The following MYO1D variants were observed in gnomAD, a reference collection of about 807,000 sequenced individuals.
MYO1D encodes the protein myosin ID.
Under a neutral mutation model 122.0 loss-of-function variants are expected in MYO1D, and 83 were observed. That is an observed-to-expected ratio of 0.68 (90% CI 0.57 to 0.82). The LOEUF (loss-of-function observed/expected upper bound fraction) is 0.82, where lower values mean the gene tolerates loss of function less well. Among genes scored for constraint, MYO1D ranks in the 40% least tolerant of loss-of-function variants. The pLI is 0.00. For synonymous variants in MYO1D, 464 were observed against 446.9 expected (o/e 1.04, Z -0.48); for missense variants, 1,157 against 1,269.5 (o/e 0.91, Z 1.35).
chr17:32,515,114 G>A (rs181329044), intron 21 of MYO1D, among the ~76,000 whole-genome samples: 6 of 152,298 alleles, frequency 3.9e-5, no homozygotes, highest in Admixed American at 3.9e-4. Context: ...GTAAGCGCTT[G>A]AATGGAGGAG....
chr17:32,775,201 T>C (rs1405187719), intron 4 of MYO1D, among the ~76,000 whole-genome samples: 1 of 152,080 alleles, frequency 6.6e-6, no homozygotes, highest in Non-Finnish European at 1.5e-5. Flanking sequence ...CTCAGGAGGC[T>C]GAGGTGGGAG....
At chr17:32,532,772 C>A (rs1031244919) in intron 21 of MYO1D, among the ~76,000 whole-genome samples, 1 of 150,752 alleles carries the variant, frequency 6.6e-6, no homozygotes, top group African/African-American at 2.4e-5. Context: ...CTGATATGCT[C>A]ATTTTACCAC....
chr17:32,579,509 C>T (rs897424493), intron 21 of MYO1D, among the ~76,000 whole-genome samples: 6 of 152,178 alleles, frequency 3.9e-5, no homozygotes, highest in Non-Finnish European at 7.3e-5. Flanking sequence ...TTTATTAAGG[C>T]ATCACTGACA....
chr17:32,760,598 G>C lies in MYO1D; in HGVS notation c.1065C>G (p.Ile355Met), dbSNP rs147504723. The C allele has an allele frequency of 1.2e-6, 2 of 1,609,808 alleles. No homozygotes were observed. The highest frequency in any genetic ancestry group is 2.7e-5 in the African/African-American group (2 of 74,774). Reference protein sequence around the residue: ...KAIYERLFCWIVTRINDIIEV... With the variant: ...KAIYERLFCWMVTRINDIIEV... The stretch of plus-strand genomic sequence containing the variant: ...CAATAATATCATTGATGCGAGTAAC[G>C]ATCCAACAAAAAAGGCGCTCATATA... Residue 355 changes from isoleucine (I) to methionine (M), a missense_variant, in exon 9 of 22, where the codon ATC becomes ATG. Physicochemically the swap from Ile to Met is conservative, Grantham distance 10 (BLOSUM62 1). Coordinates refer to ENST00000318217, the MANE Select transcript of MYO1D (RefSeq NM_015194.3).
At chr17:32,856,475 T>C (rs1045320806) in intron 1 of MYO1D, among the ~76,000 whole-genome samples, 5 of 152,228 alleles carry the variant, frequency 3.3e-5, no homozygotes, top group African/African-American at 1.2e-4. Context: ...TCTCTAGTTG[T>C]TCACCCCTAC....
chr17:32,799,632 C>T (rs879361525), intron 1 of MYO1D, among the ~76,000 whole-genome samples: 1 of 151,358 alleles, frequency 6.6e-6, no homozygotes, highest in Non-Finnish European at 1.5e-5. Context: ...GCAGTGATTT[C>T]TTGGATATAA....
chr17:32,619,597 C>T (rs2087828709), intron 20 of MYO1D, among the ~76,000 whole-genome samples: 1 of 152,092 alleles, frequency 6.6e-6, no homozygotes, highest in African/African-American at 2.4e-5. Flanking sequence ...TAAAAGCTCC[C>T]CAAGTGATTC....
Position 32,686,964 on chromosome 17 carries a change from A to AACACACACACAC in MYO1D, c.2121+25012_2121+25023dup, listed in dbSNP as rs57125657. Reference sequence around the variant, plus strand: ...TGATAAGAGTGAGATCCTGTTTCAAAACACACACACACACACACACACACA... The same window carrying AACACACACACAC: ...TGATAAGAGTGAGATCCTGTTTCAAAACACACACACACACACACACACACACACACACACACA... On this transcript the variant is annotated intron_variant, in intron 16 of 21. Transcript: ENST00000318217. Among the ~76,000 whole-genome samples, 115 of 145,522 alleles carry AACACACACACAC rather than the reference A, an allele frequency of 7.9e-4. 2 individuals carry two copies. Among genetic ancestry groups the AACACACACACAC allele is most frequent in the African/African-American group, 2.7e-3 (104 of 39,210 alleles).
chr17:32,574,420 TTTTC>T (rs1192970628), intron 21 of MYO1D, among the ~76,000 whole-genome samples: 3 of 152,122 alleles, frequency 2.0e-5, no homozygotes, highest in Non-Finnish European at 4.4e-5. Context: ...AGAAATTCTG[TTTTC>T]TTTCTTTCAA....
chr17:32,705,027 TA>T (rs1000251538), intron 16 of MYO1D, among the ~76,000 whole-genome samples: 1 of 152,146 alleles, frequency 6.6e-6, no homozygotes, highest in African/African-American at 2.4e-5. Context: ...GTTATTTCTT[TA>T]AAAAAAGAGA....
At chr17:32,619,244 A>G (rs1434909054) in intron 20 of MYO1D, among the ~76,000 whole-genome samples, 3 of 152,202 alleles carry the variant, frequency 2.0e-5, no homozygotes, top group Admixed American at 6.5e-5. Flanking sequence ...GCAGTCATCA[A>G]TATGCCTGCC....
chr17:32,735,148 A>G (rs1734109789), intron 14 of MYO1D, among the ~76,000 whole-genome samples: 1 of 150,522 alleles, frequency 6.6e-6, no homozygotes, highest in African/African-American at 2.5e-5. Flanking sequence ...TTCCTTTGTC[A>G]TCTATTATGT....
intron 21 of MYO1D, 133 bp from the exon 22 acceptor site, chr17:32,495,048 G>A (rs564903233): frequency 1.7e-6 from 2 of 1,168,536 alleles, no homozygotes; most frequent in South Asian, 3.3e-5. Flanking sequence ...GATGCCTGAA[G>A]GGCCCCAGAG....
intron 6 of MYO1D, 152 bp from the exon 7 acceptor site, chr17:32,767,904 C>T (rs1256258353): frequency 1.9e-5 from 11 of 583,382 alleles, no homozygotes; most frequent in Admixed American, 1.7e-4. Context: ...AATGATTTCA[C>T]GAGTTGCAAC....
At chr17:32,663,525 CA>C (rs2088598802) in intron 16 of MYO1D, among the ~76,000 whole-genome samples, 1 of 152,126 alleles carries the variant, frequency 6.6e-6, no homozygotes, top group African/African-American at 2.4e-5. Flanking sequence ...TGGGTTGTAT[CA>C]TAGGCTTTTG....
chr17:32,665,623 T>C (rs1406184486), intron 16 of MYO1D, among the ~76,000 whole-genome samples: 1 of 152,248 alleles, frequency 6.6e-6, no homozygotes, highest in Non-Finnish European at 1.5e-5. Context: ...TATGGTTTTA[T>C]TTTTTGCACT....
intron 21 of MYO1D, among the ~76,000 whole-genome samples, chr17:32,540,915 C>T (rs1432524857): frequency 1.7e-5 from 2 of 120,170 alleles, no homozygotes; most frequent in African/African-American, 7.0e-5. Context: ...GACAGAGTGA[C>T]TTCGTCTCAA....
intron 21 of MYO1D, among the ~76,000 whole-genome samples, chr17:32,570,404 G>T (rs886232660): frequency 6.6e-6 from 1 of 151,670 alleles, no homozygotes; most frequent in African/African-American, 2.4e-5. Flanking sequence ...TCGCTGTGTC[G>T]CCCAGGCTGG....
At chr17:32,719,389 A>T (rs556028832) in intron 15 of MYO1D, among the ~76,000 whole-genome samples, 29 of 139,308 alleles carry the variant, frequency 2.1e-4, no homozygotes, top group African/African-American at 7.2e-4. Flanking sequence ...TCGCTCTGTC[A>T]CCCAGGCTGG....
Sources: gnomAD v4.1 joint callset for allele counts (sites outside exome capture counted in the v4.1 genomes callset) on GRCh38, gnomAD v4.1.1 for gene constraint, MANE v1.5 for transcripts, NCBI Gene and HGNC (gene_info 2026-07-23, HGNC 2026-07-21) for gene names.